The following FAAH2 variants were observed in gnomAD, a reference collection of about 807,000 sequenced individuals.
FAAH2 encodes fatty-acid amide hydrolase 2.
FAAH2 carries 60 observed loss-of-function variants against 36.9 expected under a neutral mutation model. That is an observed-to-expected ratio of 1.63 (90% confidence interval 1.32 to 2.02). The LOEUF is 2.02. Among genes scored for constraint, FAAH2 ranks in the 30% most tolerant of loss-of-function variants. The probability of loss-of-function intolerance (pLI) is 0.00; values close to 1 mark genes in which losing one functional copy is unlikely to be tolerated. For synonymous variants in FAAH2, 214 were observed against 143.8 expected (o/e 1.49, Z -3.49); for missense variants, 689 against 397.5 (o/e 1.73, Z -6.23).
At chrX:57,280,970 A>G in the FAAH2 span, among the ~76,000 whole-genome samples, 1 of 112,073 alleles carries the variant, frequency 8.9e-6, no homozygotes, top group African/African-American at 3.2e-5. Flanking sequence ...AACAAACCCC[A>G]ATTGGTTACA....
At chrX:57,408,337 T>C (rs748077216) in intron 7 of FAAH2, among the ~76,000 whole-genome samples, 19 of 110,948 alleles carry the variant, frequency 1.7e-4, no homozygotes, top group Non-Finnish European at 3.4e-4. Context: ...TTTTCATCAA[T>C]GTTATATAGT....
chrX:57,256,045 A>G, the FAAH2 span, among the ~76,000 whole-genome samples: 310 of 112,341 alleles, frequency 2.8e-3, 1 homozygote, highest in African/African-American at 9.4e-3. Flanking sequence ...TCAGCCCAAA[A>G]TCTTCTTAAG....
chrX:57,416,011 GGTTTAAAATCT>G (rs2055833148), intron 7 of FAAH2, among the ~76,000 whole-genome samples: 1 of 110,726 alleles, frequency 9.0e-6, no homozygotes, highest in Admixed American at 9.6e-5. Context: ...AATCTTTGTT[GGTTTAAAATCT>G]GTTTTATTAG....
At chrX:57,331,840 C>G in intron 4 of FAAH2, 33 bp downstream of exon 4, 1 of 1,112,491 alleles carries the variant, frequency 9.0e-7, no homozygotes, top group Non-Finnish European at 1.2e-6. Context: ...GCATGAATAG[C>G]TATGCTAACA....
the FAAH2 span, among the ~76,000 whole-genome samples, chrX:57,234,266 G>A: frequency 1.1e-4 from 12 of 111,050 alleles, no homozygotes; most frequent in East Asian, 2.8e-3. Flanking sequence ...GCACACCACA[G>A]GTCTTAATTG....
chrX:57,433,588 C>G (rs1003496912), intron 8 of FAAH2, among the ~76,000 whole-genome samples: 19 of 112,040 alleles, frequency 1.7e-4, no homozygotes, highest in African/African-American at 5.8e-4. Flanking sequence ...AAGTATCCAA[C>G]AGTTTAAACA....
intron 2 of FAAH2, among the ~76,000 whole-genome samples, chrX:57,306,051 T>C (rs1420687694): frequency 8.9e-6 from 1 of 112,191 alleles, no homozygotes; most frequent in Non-Finnish European, 1.9e-5. Flanking sequence ...TCCAAGTTTG[T>C]GCCTATTGGA....
intron 10 of FAAH2, among the ~76,000 whole-genome samples, chrX:57,476,988 G>A (rs748131609): frequency 9.0e-6 from 1 of 111,245 alleles, no homozygotes; most frequent in South Asian, 3.8e-4. Context: ...TATTTGCATA[G>A]AGGTGTTTAC....
the FAAH2 span, among the ~76,000 whole-genome samples, chrX:57,227,590 T>A: frequency 1.8e-3 from 206 of 111,432 alleles, no homozygotes; most frequent in Non-Finnish European, 3.0e-3. Context: ...TCCTCAGTTT[T>A]GGTGGTATAA....
At chrX:57,133,020 A>G in the FAAH2 span, among the ~76,000 whole-genome samples, 1 of 111,451 alleles carries the variant, frequency 9.0e-6, no homozygotes, top group South Asian at 3.9e-4. Context: ...CCAGACAGCT[A>G]CAGGGTCAGT....
chrX:57,318,759 G>T (rs1307440218), intron 3 of FAAH2, among the ~76,000 whole-genome samples: 2 of 111,907 alleles, frequency 1.8e-5, no homozygotes. Flanking sequence ...GAACATCTAT[G>T]CAAAAATCCT....
intron 7 of FAAH2, among the ~76,000 whole-genome samples, chrX:57,422,751 G>C (rs995236852): frequency 9.0e-6 from 1 of 111,436 alleles, no homozygotes; most frequent in African/African-American, 3.3e-5. Context: ...GAGGACACAA[G>C]GACACTCTGG....
chrX:57,413,207 G>A (rs2055748244), intron 7 of FAAH2, among the ~76,000 whole-genome samples: 1 of 111,986 alleles, frequency 8.9e-6, no homozygotes, highest in Admixed American at 9.5e-5. Context: ...TCTTTGCTAT[G>A]CTGAAGCTCT....
the FAAH2 span, among the ~76,000 whole-genome samples, chrX:57,202,072 A>G: frequency 1.3e-5 from 1 of 75,136 alleles, no homozygotes; most frequent in African/African-American, 1.5e-4. Flanking sequence ...GAGTTTCCTC[A>G]CACAGCTATT....
chrX:57,435,734 A>G (rs1057332371), intron 8 of FAAH2, among the ~76,000 whole-genome samples: 1 of 111,122 alleles, frequency 9.0e-6, no homozygotes, highest in Admixed American at 9.7e-5. Context: ...GTGGAAAATA[A>G]TACAATAATA....
At chrX:57,235,203 G>A in the FAAH2 span, among the ~76,000 whole-genome samples, 1 of 111,463 alleles carries the variant, frequency 9.0e-6, no homozygotes, top group African/African-American at 3.3e-5. Flanking sequence ...GGGTAAGTTA[G>A]CATCTGGTGG....
chrX:57,324,899 G>T (rs1198079150), intron 3 of FAAH2, among the ~76,000 whole-genome samples: 1 of 111,990 alleles, frequency 8.9e-6, no homozygotes, highest in Non-Finnish European at 1.9e-5. Flanking sequence ...GGTGAGAGAG[G>T]ACATCCCTGT....
chrX:57,465,876 A>AAT (rs2057037933), intron 10 of FAAH2, among the ~76,000 whole-genome samples: 1 of 110,305 alleles, frequency 9.1e-6, no homozygotes, highest in African/African-American at 3.3e-5. Flanking sequence ...ATATAAATGT[A>AAT]ATATATATGA....
chrX:57,179,031 C>T, the FAAH2 span, among the ~76,000 whole-genome samples: 4 of 111,111 alleles, frequency 3.6e-5, no homozygotes, highest in Non-Finnish European at 3.8e-5. Flanking sequence ...AACCAAGCTT[C>T]GATAAGAAGA....
Sources: gnomAD v4.1 joint callset for allele counts (sites outside exome capture counted in the v4.1 genomes callset) on GRCh38, gnomAD v4.1.1 for gene constraint, MANE v1.5 for transcripts, NCBI Gene and HGNC (gene_info 2026-07-23, HGNC 2026-07-21) for gene names.